MLPH: variants seen among roughly 807,000 people sequenced by gnomAD.
MLPH encodes the protein exophilin-3.
Under a neutral mutation model 72.1 loss-of-function variants are expected in MLPH, and 51 were observed. That is an observed-to-expected ratio of 0.71 (90% CI 0.56 to 0.89). MLPH has a LOEUF of 0.89. Ranked by LOEUF, MLPH falls within the 40% of genes least tolerant of loss-of-function variation. The probability of loss-of-function intolerance (pLI) is 0.00; values close to 1 mark genes in which losing one functional copy is unlikely to be tolerated. For synonymous variants in MLPH, 301 were observed against 310.1 expected, an observed-to-expected ratio of 0.97 and a Z score of 0.31; for missense variants, 743 against 759.9, an observed-to-expected ratio of 0.98 and a Z score of 0.26.
Position 237,505,440 on chromosome 2 carries a change from C to T in MLPH, c.111-5134C>T, listed in dbSNP as rs759312915. ...GATTCCCCACCACCCCAGCACCCAA[C>T]GCAAGTGGAGGCCCACAGGACCCCT... On this transcript the variant is annotated intron_variant, in intron 2 of 15. Transcript: ENST00000264605. This position sits in a 1 kb window ranked among gnomAD's most constrained non-coding sequence, Gnocchi z 4.5. Among the ~76,000 whole-genome samples, 8 of 152,190 alleles carry T rather than the reference C, an allele frequency of 5.3e-5. No homozygotes were observed. Among genetic ancestry groups the T allele is most frequent in the African/African-American group, 7.2e-5 (3 of 41,440 alleles).
intron 2 of MLPH, among the ~76,000 whole-genome samples, chr2:237,503,190 C>T (rs980597509): frequency 2.0e-5 from 3 of 152,072 alleles, no homozygotes; most frequent in East Asian, 1.9e-4. Flanking sequence ...CACCCTTAGC[C>T]GGACTAGTTG....
chr2:237,525,578 G>A (rs2080284566), intron 6 of MLPH, 23 bp from the exon 7 acceptor site: 1 of 1,613,424 alleles, frequency 6.2e-7, no homozygotes, highest in Non-Finnish European at 8.5e-7. Context: ...CTGCAGAGGA[G>A]GCTGACAGCC....
chr2:237,490,162 A>C (rs1331618775), intron 1 of MLPH, among the ~76,000 whole-genome samples: 2 of 152,090 alleles, frequency 1.3e-5, no homozygotes, highest in African/African-American at 2.4e-5. Flanking sequence ...ATACTCTGGG[A>C]GCCCCCACCC....
intron 2 of MLPH, among the ~76,000 whole-genome samples, chr2:237,496,052 G>A (rs555699055): frequency 4.6e-5 from 7 of 152,300 alleles, no homozygotes; most frequent in African/African-American, 7.2e-5. Flanking sequence ...CAATCCCTGC[G>A]TCAGCTTTGG....
Position 237,540,408 on chromosome 2 carries a change from C to T in MLPH, c.1165C>T (p.Leu389=), listed in dbSNP as rs780629175. Residue 389 remains leucine (L), a synonymous_variant, in exon 10 of 16, where the codon CTG becomes TTG. Coordinates refer to ENST00000264605, the MANE Select transcript of MLPH (RefSeq NM_024101.7). ...AGAGGAGGAGGCCCTGAGGAGGAAG[C>T]TGGAGGAGCTGACCAGCAACGTCAG... The part of the protein sequence containing the change: ...DVEEEALRRK[L]EELTSNVSDQ... 1.1e-5 allele frequency: 17 copies of T among 1,613,450 alleles called. No homozygotes were observed. The highest frequency in any genetic ancestry group is 1.4e-5 in the Non-Finnish European group (16 of 1,179,902).
intron 12 of MLPH, 64 bp from the exon 13 acceptor site, chr2:237,546,542 T>A: frequency 3.5e-6 from 5 of 1,424,290 alleles, no homozygotes; most frequent in Non-Finnish European, 5.0e-6. Context: ...AGCTGACCCA[T>A]GCCCATGCTC....
chr2:237,533,123 T>C (rs1223995290), intron 8 of MLPH, among the ~76,000 whole-genome samples: 1 of 152,210 alleles, frequency 6.6e-6, no homozygotes, highest in African/African-American at 2.4e-5. Context: ...AAAGCAACCT[T>C]CTCACACATC....
In MLPH at chr2:237,510,844, G is replaced by A. The variant is rs1328806538; in HGVS notation, c.332+49G>A. On this transcript the variant is annotated intron_variant, in intron 3 of 15. Coordinates refer to ENST00000264605, the MANE Select transcript of MLPH (RefSeq NM_024101.7). This position sits in a 1 kb window ranked among gnomAD's most constrained non-coding sequence, Gnocchi z 4.4. ...ATGACCTTGATAGTTTCTGGATCTG[G>A]CGTGTCCCTTCCATGGGGCTAGCTG... is the stretch of plus-strand genomic sequence containing the variant. 3.1e-6 allele frequency: 5 copies of A among 1,606,088 alleles called. No individual in the cohort carries two copies. The highest frequency in any genetic ancestry group is 1.7e-6 in the Non-Finnish European group (2 of 1,174,082).
chr2:237,509,561 A>G (rs2079846531), intron 2 of MLPH, among the ~76,000 whole-genome samples: 2 of 152,220 alleles, frequency 1.3e-5, no homozygotes, highest in South Asian at 4.1e-4. Context: ...TACCTTGTCA[A>G]TGCAGCTTTA....
chr2:237,521,024 G>A (rs1371651427), intron 6 of MLPH, among the ~76,000 whole-genome samples: 4 of 152,192 alleles, frequency 2.6e-5, no homozygotes, highest in South Asian at 2.1e-4. Context: ...CTAGGGCTGC[G>A]AGCTTCAGGT....
At chr2:237,520,168 G>T in intron 6 of MLPH, 139 bp downstream of exon 6, 1 of 1,140,836 alleles carries the variant, frequency 8.8e-7, no homozygotes, top group Non-Finnish European at 1.3e-6. Context: ...GGCATGACAG[G>T]GAAGGGGACC....
chr2:237,510,689 A>C lies in MLPH; in HGVS notation c.226A>C (p.Asn76His). 1.2e-6 allele frequency: 2 copies of C among 1,613,774 alleles called. No homozygotes were observed. Among genetic ancestry groups the C allele is most frequent in the Non-Finnish European group, 1.7e-6 (2 of 1,180,038 alleles). Residue 76 changes from asparagine (N) to histidine (H), a missense_variant, in exon 3 of 16, where the codon AAT becomes CAT. By Grantham distance (68) the Asn-to-His change is moderately conservative (BLOSUM62 1). Coordinates refer to ENST00000264605, the MANE Select transcript of MLPH (RefSeq NM_024101.7). The surrounding 1 kb of genome is among the most constrained non-coding windows in gnomAD (Gnocchi z 4.4). ...CCTGCAGCCCTACCAGCTGCTTGTGAATAGCAAAAGGCAGTGCCTGGAATG... is the reference window on the plus strand; with the variant it reads ...CCTGCAGCCCTACCAGCTGCTTGTGCATAGCAAAAGGCAGTGCCTGGAATG... The part of the protein sequence containing the change: ...RCLQPYQLLV[N>H]SKRQCLECGL...
intron 14 of MLPH, among the ~76,000 whole-genome samples, chr2:237,551,104 A>C (rs1025569637): frequency 3.9e-5 from 6 of 152,210 alleles, no homozygotes; most frequent in African/African-American, 4.8e-5. Flanking sequence ...GGAGCTTTTC[A>C]CTGTCTGCAG....
intron 8 of MLPH, 33 bp from the exon 9 acceptor site, chr2:237,534,522 GCACTGGGTC>G (rs1180027559): frequency 6.5e-7 from 1 of 1,527,276 alleles, no homozygotes; most frequent in Non-Finnish European, 9.1e-7. Context: ...TGGTTGGAGT[GCACTGGGTC>G]CTCTGCCCAC....
At chr2:237,546,723 G>A in intron 13 of MLPH, 40 bp downstream of exon 13, 1 of 1,549,874 alleles carries the variant, frequency 6.5e-7, no homozygotes, top group Admixed American at 1.7e-5. Flanking sequence ...ACCCGACAAA[G>A]GTGGAAGACT....
At chr2:237,526,300 A>G (rs7558685) in intron 7 of MLPH, among the ~76,000 whole-genome samples, 25,290 of 151,996 alleles carry the variant, frequency 0.17, 2,304 homozygotes, top group African/African-American at 0.23. Context: ...CTGGTACCCC[A>G]AGGGTGTATG....
Position 237,513,220 on chromosome 2 carries a change from T to C in MLPH, c.445+2119T>C, listed in dbSNP as rs373050426. On this transcript the variant is annotated intron_variant, in intron 4 of 15. Transcript: ENST00000264605. ...GTAAGTGGGCCTCTGGGGGTCTTCA[T>C]TGAGTGAACCTTCAGAGTGCTGGTG... Among the ~76,000 whole-genome samples, 355 of 152,332 alleles carry C rather than the reference T, an allele frequency of 2.3e-3. 3 individuals are homozygous for C. The highest frequency in any genetic ancestry group is 8.1e-3 in the African/African-American group (337 of 41,574).
Position 237,510,861 on chromosome 2 carries a change from G to A in MLPH, c.332+66G>A, listed in dbSNP as rs2079878113. 6.9e-6 allele frequency: 11 copies of A among 1,591,462 alleles called. No homozygotes were observed. In the East Asian group the frequency reaches 2.0e-4, roughly 29 times the overall value. On this transcript the variant is annotated intron_variant, in intron 3 of 15. Coordinates refer to ENST00000264605, the MANE Select transcript of MLPH (RefSeq NM_024101.7). The surrounding 1 kb of genome is among the most constrained non-coding windows in gnomAD (Gnocchi z 4.4). The stretch of plus-strand genomic sequence containing the variant: ...TGGATCTGGCGTGTCCCTTCCATGG[G>A]GCTAGCTGAAGAAGGGTGGACGCAC...
At chr2:237,518,368 T>G in intron 4 of MLPH, 171 bp from the exon 5 acceptor site, 1 of 701,726 alleles carries the variant, frequency 1.4e-6, no homozygotes. Flanking sequence ...GATTGGTAGA[T>G]GGGTAGATGG....
Sources: allele counts gnomAD v4.1 joint callset (sites outside exome capture counted in the v4.1 genomes callset), GRCh38; gene constraint gnomAD v4.1.1; non-coding constraint Gnocchi (gnomAD v3.1); transcripts MANE v1.5; gene names NCBI Gene and HGNC (gene_info 2026-07-23, HGNC 2026-07-21).